The following SRBD1 variants were observed in gnomAD, a reference collection of about 807,000 sequenced individuals.
SRBD1 encodes the protein S1 RNA binding domain 1, also known as S1 RNA-binding domain-containing protein 1.
In SRBD1, 88 loss-of-function variants were observed where a neutral mutation model predicts 115.3. That is an observed-to-expected ratio of 0.76 (90% CI 0.64 to 0.91). SRBD1 has a LOEUF of 0.91. Ranked by LOEUF, SRBD1 falls within the 40% of genes least tolerant of loss-of-function variation. SRBD1 has a pLI of 0.00. For missense variants in SRBD1, 1,385 were observed against 1,177.4 expected (o/e 1.18, Z -2.58); for synonymous variants, 509 against 407.7 (o/e 1.25, Z -2.99).
chr2:45,434,170 A>G (rs1291208475), intron 16 of SRBD1, among the ~76,000 whole-genome samples: 1 of 152,262 alleles, frequency 6.6e-6, no homozygotes, highest in Non-Finnish European at 1.5e-5. Flanking sequence ...CCAACTTGAC[A>G]GAAGGATCCT....
At chr2:45,511,735 G>T (rs537063651) in intron 14 of SRBD1, among the ~76,000 whole-genome samples, 1 of 152,258 alleles carries the variant, frequency 6.6e-6, no homozygotes, top group African/African-American at 2.4e-5. Flanking sequence ...TCTTAGACTT[G>T]AATTATCAAA....
chr2:45,542,864 G>C (rs907781430), intron 14 of SRBD1, among the ~76,000 whole-genome samples: 1 of 152,100 alleles, frequency 6.6e-6, no homozygotes, highest in Non-Finnish European at 1.5e-5. Flanking sequence ...TACTGTTCAG[G>C]AATAAAAAGA....
intron 14 of SRBD1, among the ~76,000 whole-genome samples, chr2:45,500,676 A>G (rs1007693903): frequency 6.6e-6 from 1 of 152,162 alleles, no homozygotes; most frequent in African/African-American, 2.4e-5. Context: ...TCGGCCTCCC[A>G]AAGTGCTGGG....
intron 20 of SRBD1, among the ~76,000 whole-genome samples, chr2:45,392,571 T>C (rs1383892192): frequency 6.6e-6 from 1 of 152,212 alleles, no homozygotes; most frequent in Non-Finnish European, 1.5e-5. Context: ...AGGAAGAAGA[T>C]TCACCTTTTA....
chr2:45,488,004 G>A (rs1432627563), intron 15 of SRBD1, among the ~76,000 whole-genome samples: 2 of 152,030 alleles, frequency 1.3e-5, no homozygotes, highest in South Asian at 2.1e-4. Context: ...AAGACTTTGT[G>A]GGTTAGCTTT....
At chr2:45,391,826 G>A (rs1667011800) in intron 20 of SRBD1, among the ~76,000 whole-genome samples, 1 of 152,112 alleles carries the variant, frequency 6.6e-6, no homozygotes, top group African/African-American at 2.4e-5. Context: ...GAAAAATGAA[G>A]ATGGATGTGA....
intron 11 of SRBD1, among the ~76,000 whole-genome samples, chr2:45,551,990 C>T (rs971250481): frequency 6.6e-6 from 1 of 152,110 alleles, no homozygotes; most frequent in African/African-American, 2.4e-5. Flanking sequence ...TGAATTAAGA[C>T]AGTCACCACG....
chr2:45,547,837 G>C (rs1450030394), intron 12 of SRBD1, among the ~76,000 whole-genome samples: 1 of 152,082 alleles, frequency 6.6e-6, no homozygotes, highest in African/African-American at 2.4e-5. Context: ...CTATTAATTG[G>C]AGAATATGCT....
At chr2:45,426,213 C>T (rs1391789955) in intron 16 of SRBD1, among the ~76,000 whole-genome samples, 1 of 152,190 alleles carries the variant, frequency 6.6e-6, no homozygotes, top group Non-Finnish European at 1.5e-5. Flanking sequence ...TTTCCCTTCA[C>T]AGTGTAAATA....
intron 16 of SRBD1, among the ~76,000 whole-genome samples, chr2:45,420,206 C>A (rs1332226435): frequency 6.6e-6 from 1 of 152,146 alleles, no homozygotes; most frequent in Non-Finnish European, 1.5e-5. Flanking sequence ...TGGTAACACA[C>A]CCACATCCAG....
chr2:45,401,223 G>T (rs1338410918), intron 19 of SRBD1, among the ~76,000 whole-genome samples: 1 of 152,102 alleles, frequency 6.6e-6, no homozygotes, highest in South Asian at 2.1e-4. Flanking sequence ...TGAGGAGTAG[G>T]GTCATTAAGC....
At chr2:45,596,726 G>GT (rs1477553748) in intron 4 of SRBD1, among the ~76,000 whole-genome samples, 5 of 152,074 alleles carry the variant, frequency 3.3e-5, no homozygotes, top group Non-Finnish European at 7.3e-5. Flanking sequence ...TAAATAAATG[G>GT]TAAGTATTAT....
At chr2:45,575,864 C>G (rs1045487204) in intron 7 of SRBD1, among the ~76,000 whole-genome samples, 1 of 152,074 alleles carries the variant, frequency 6.6e-6, no homozygotes, top group Non-Finnish European at 1.5e-5. Flanking sequence ...CCACCACACC[C>G]AGCTAATTTT....
intron 19 of SRBD1, among the ~76,000 whole-genome samples, chr2:45,410,698 C>T (rs1252931157): frequency 6.6e-6 from 1 of 152,168 alleles, no homozygotes. Flanking sequence ...CTCCAGACCC[C>T]CAACCTCCAG....
At chr2:45,412,705 A>C (rs1667639188) in intron 19 of SRBD1, among the ~76,000 whole-genome samples, 1 of 152,194 alleles carries the variant, frequency 6.6e-6, no homozygotes, top group African/African-American at 2.4e-5. Context: ...CATTTCTTAG[A>C]TTTTAAGATT....
chr2:45,394,708 A>G (rs1667096201), intron 19 of SRBD1, among the ~76,000 whole-genome samples: 1 of 152,238 alleles, frequency 6.6e-6, no homozygotes, highest in Admixed American at 6.5e-5. Context: ...TCACTTAAGT[A>G]GGGCATCTCT....
chr2:45,609,394 T>C (rs1397989741), intron 1 of SRBD1, among the ~76,000 whole-genome samples: 3 of 152,200 alleles, frequency 2.0e-5, no homozygotes, highest in Non-Finnish European at 2.9e-5. Context: ...CCTCCCTCAC[T>C]TGAACTACCA....
At chr2:45,405,710 T>C (rs1413461684) in intron 19 of SRBD1, among the ~76,000 whole-genome samples, 1 of 152,008 alleles carries the variant, frequency 6.6e-6, no homozygotes, top group Non-Finnish European at 1.5e-5. Context: ...AAAGTCATGG[T>C]AGAAGGTTGG....
chr2:45,414,718 A>ACACACACAGTGTGTATATAGTATG (rs1459106242), intron 18 of SRBD1, among the ~76,000 whole-genome samples: 2 of 105,860 alleles, frequency 1.9e-5, no homozygotes, highest in Non-Finnish European at 4.3e-5. Context: ...TAGTATGTAT[A>ACACACACAGTGTGTATATAGTATG]TACACACACA....
Sources: gnomAD v4.1 joint callset for allele counts (sites outside exome capture counted in the v4.1 genomes callset) on GRCh38, gnomAD v4.1.1 for gene constraint, MANE v1.5 for transcripts, NCBI Gene and HGNC (gene_info 2026-07-23, HGNC 2026-07-21) for gene names.